ENG: variants seen among roughly 807,000 people sequenced by gnomAD.
ENG encodes the protein CD105 antigen.
ENG carries 17 observed loss-of-function variants against 71.0 expected under a neutral mutation model. That is an observed-to-expected ratio of 0.24 (90% CI 0.16 to 0.36). The LOEUF is 0.36. Among genes scored for constraint, ENG ranks in the 10% least tolerant of loss-of-function variants. The pLI, the probability that ENG is intolerant of heterozygous loss-of-function variation, is 1.00. For missense variants in ENG, 749 were observed against 868.3 expected (o/e 0.86, Z 1.73); for synonymous variants, 360 against 366.9 (o/e 0.98, Z 0.21).
Position 127,854,301 on chromosome 9 carries a change from G to A in ENG, c.55C>T (p.Leu19Phe), listed in dbSNP as rs1310849016. The change falls in exon 1 of 15, where the codon CTC becomes TTC. Residue 19 changes from leucine (L) to phenylalanine (F), a missense_variant. By Grantham distance (22) the Leu-to-Phe change is conservative. Coordinates refer to ENST00000373203, the MANE Select transcript of ENG (RefSeq NM_001114753.3). ...CCTGGACACCTACTTGTGGGGCTGA[G>A]GCTGCAGCTGGCCAGCAGCAGGGCA... ...AVALLLASCS[L>F]SPTSLAETVH... 6.3e-7 allele frequency: 1 copy of A among 1,591,418 alleles called. No homozygotes were observed. The highest frequency in any genetic ancestry group is 8.5e-7 in the Non-Finnish European group (1 of 1,169,668).
At position 127,815,642 on chromosome 9, in the gene ENG, T is replaced by G. The variant is rs1228729181; in HGVS notation, c.*40A>C. ...CACACCAGTGCTCCCAGCTGGCGGCTGCTCAGTCTCTCCTGCTGGGCGAGC... is the reference window on the plus strand; with the variant it reads ...CACACCAGTGCTCCCAGCTGGCGGCGGCTCAGTCTCTCCTGCTGGGCGAGC... On this transcript the variant is annotated 3_prime_UTR_variant, in exon 15 of 15. Coordinates refer to ENST00000373203, the MANE Select transcript of ENG (RefSeq NM_001114753.3). The G allele has an allele frequency of 1.3e-6, 2 of 1,540,812 alleles. No individual in the cohort carries two copies. Among genetic ancestry groups the G allele is most frequent in the East Asian group, 4.8e-5 (2 of 41,512 alleles).
At chr9:127,823,547 C>A (rs926374271) in intron 8 of ENG, among the ~76,000 whole-genome samples, 12 of 151,854 alleles carry the variant, frequency 7.9e-5, no homozygotes, top group African/African-American at 2.9e-4. Context: ...TGCCACCACA[C>A]CCGGTTAATT....
intron 1 of ENG, among the ~76,000 whole-genome samples, chr9:127,851,041 G>A (rs1831270570): frequency 6.6e-6 from 1 of 151,988 alleles, no homozygotes; most frequent in Non-Finnish European, 1.5e-5. Flanking sequence ...TGGATTAAAA[G>A]TAGCTTAAAA....
intron 1 of ENG, 100 bp downstream of exon 1, chr9:127,854,189 G>T: frequency 7.9e-7 from 1 of 1,273,026 alleles, no homozygotes; most frequent in Non-Finnish European, 1.1e-6. Context: ...TGGCTCTGCT[G>T]GGCGTGAGCT....
chr9:127,842,942 GC>G, intron 2 of ENG, 151 bp downstream of exon 2: 1 of 1,271,972 alleles, frequency 7.9e-7, no homozygotes, highest in Non-Finnish European at 1.1e-6. Flanking sequence ...CCTCTTATGG[GC>G]CCTGTGAGAT....
chr9:127,844,583 C>T (rs905254056), intron 1 of ENG, among the ~76,000 whole-genome samples: 2 of 152,088 alleles, frequency 1.3e-5, no homozygotes, highest in African/African-American at 2.4e-5. Context: ...GCATGCACCA[C>T]CACATCCAGC....
rs1564460910 is a variant in ENG, at chr9:127,838,101, T to C, written c.219+4993A>G. On this transcript the variant is annotated intron_variant, in intron 2 of 14. Coordinates refer to ENST00000373203, the MANE Select transcript of ENG (RefSeq NM_001114753.3). This position sits in a 1 kb window ranked among gnomAD's most constrained non-coding sequence, Gnocchi z 4.3. ...CCGGATACCCAAACTCCACCATGCC[T>C]GCCTCCCCAAGTAGCCAACTCAACC... is the stretch of plus-strand genomic sequence containing the variant. 6.6e-6 allele frequency among the ~76,000 whole-genome samples: 1 copy of C among 152,196 alleles called. No homozygotes were observed. Among genetic ancestry groups the C allele is most frequent in the Non-Finnish European group, 1.5e-5 (1 of 68,038 alleles).
At chr9:127,829,595 C>G (rs886983044) in intron 3 of ENG, 92 bp downstream of exon 3, 4 of 1,542,292 alleles carry the variant, frequency 2.6e-6, no homozygotes, top group African/African-American at 1.4e-5. Context: ...AGGGCTGGGC[C>G]GCTGGGGTGG....
rs1000488055 is a variant in ENG at position 127,836,018 on chromosome 9, T to A, written c.220-6191A>T. ...AGCTGGGTGCTCAGGTTCTCTGAGCTGCAGGGCCAAGCTGAAAAACAGCTG... is the reference window on the plus strand; with the variant it reads ...AGCTGGGTGCTCAGGTTCTCTGAGCAGCAGGGCCAAGCTGAAAAACAGCTG... On this transcript the variant is annotated intron_variant, in intron 2 of 14. Coordinates refer to ENST00000373203, the MANE Select transcript of ENG (RefSeq NM_001114753.3). This position sits in a 1 kb window ranked among gnomAD's most constrained non-coding sequence, Gnocchi z 4.0. Among the ~76,000 whole-genome samples the A allele has an allele frequency of 6.6e-6, 1 of 152,174 alleles. No homozygotes were observed. The highest frequency in any genetic ancestry group is 1.5e-5 in the Non-Finnish European group (1 of 68,026).
chr9:127,819,829 G>A (rs1830429705), intron 9 of ENG, 71 bp downstream of exon 9: 2 of 1,612,288 alleles, frequency 1.2e-6, no homozygotes, highest in African/African-American at 1.3e-5. Context: ...TCCACCCTGG[G>A]GGATCAGGGA....
At position 127,836,179 on chromosome 9, in the gene ENG, G is replaced by A. The variant is rs1830899041; in HGVS notation, c.220-6352C>T. Among the ~76,000 whole-genome samples, 3 of 152,290 alleles carry A rather than the reference G, an allele frequency of 2.0e-5. No individual in the cohort carries two copies. In the South Asian group the frequency reaches 6.2e-4, roughly 32 times the overall value. On this transcript the variant is annotated intron_variant, in intron 2 of 14. Coordinates refer to ENST00000373203, the MANE Select transcript of ENG (RefSeq NM_001114753.3). This position sits in a 1 kb window ranked among gnomAD's most constrained non-coding sequence, Gnocchi z 4.0. ...GCCGGGGGCCCCAGAGGCAAAAAAC[G>A]ATGGCGCCAGCCTTGCCCCCAACCC...
rs190261347 is a variant in ENG at position 127,836,315 on chromosome 9, C to T, written c.220-6488G>A. 1.3e-5 allele frequency among the ~76,000 whole-genome samples: 2 copies of T among 152,336 alleles called. No homozygotes were observed. The stretch of plus-strand genomic sequence containing the variant: ...CCAGCCCCCTCCCTGAGTGGGTGGG[C>T]GGGAGACCGCGTTTCTATTTTTGTA... On this transcript the variant is annotated intron_variant, in intron 2 of 14. Coordinates refer to ENST00000373203, the MANE Select transcript of ENG (RefSeq NM_001114753.3). This position sits in a 1 kb window ranked among gnomAD's most constrained non-coding sequence, Gnocchi z 4.0.
At chr9:127,835,884 T>C (rs2131905680) in intron 2 of ENG, among the ~76,000 whole-genome samples, 1 of 152,110 alleles carries the variant, frequency 6.6e-6, no homozygotes, top group East Asian at 1.9e-4. Context: ...ATCCCAGAGC[T>C]CACGAACCAA....
Position 127,824,449 on chromosome 9 carries a change from G to A in ENG, c.992-3C>T, listed in dbSNP as rs1830552318. 6.2e-7 allele frequency: 1 copy of A among 1,613,036 alleles called. No homozygotes were observed. The highest frequency in any genetic ancestry group is 8.5e-7 in the Non-Finnish European group (1 of 1,179,546). ...GGGTGAGGTCTGCAGCCTACCACCT[G>A]TGGGGTAGCAGAGGCAGGCCAGGCG... On this transcript the variant is annotated splice_polypyrimidine_tract_variant and splice_region_variant and intron_variant, in intron 7 of 14. Coordinates refer to ENST00000373203, the MANE Select transcript of ENG (RefSeq NM_001114753.3).
chr9:127,825,910 A>G (rs762027220), intron 4 of ENG, 50 bp from the exon 5 acceptor site: 8 of 1,550,390 alleles, frequency 5.2e-6, no homozygotes, highest in Admixed American at 3.9e-5. Flanking sequence ...CCCTGCACCT[A>G]ACAGAGCCCC....
chr9:127,822,389 T>G (rs1405340994), intron 8 of ENG: 2 of 152,230 alleles, frequency 1.3e-5, no homozygotes, highest in Admixed American at 1.3e-4. Flanking sequence ...TGGTGAAAAT[T>G]CAAATCATCT....
At chr9:127,820,140 A>C in intron 8 of ENG, 103 bp from the exon 9 acceptor site, 1 of 1,466,834 alleles carries the variant, frequency 6.8e-7, no homozygotes, top group Non-Finnish European at 9.2e-7. Context: ...CCCAAGTCAC[A>C]GCCATTCCCC....
In ENG at chr9:127,853,474, C is replaced by T. The variant is rs41474651; in HGVS notation, c.67+815G>A. Among the ~76,000 whole-genome samples, 756 of 152,252 alleles carry T rather than the reference C, an allele frequency of 5.0e-3. 5 individuals are homozygous for T. The highest frequency in any genetic ancestry group is 5.8e-3 in the Non-Finnish European group (393 of 68,006). On this transcript the variant is annotated intron_variant, in intron 1 of 14. Coordinates refer to ENST00000373203, the MANE Select transcript of ENG (RefSeq NM_001114753.3). ...CTGGGGGTCCCTTGCTCCTCACCGC[C>T]CCTCCTCTGGTCAGTTTCAGAAAGC...
chr9:127,832,402 G>A (rs927914669), intron 2 of ENG, among the ~76,000 whole-genome samples: 9 of 152,086 alleles, frequency 5.9e-5, no homozygotes, highest in Non-Finnish European at 1.3e-4. Flanking sequence ...TTACAGATGA[G>A]GGAACCAAGA....
Sources: allele counts gnomAD v4.1 joint callset (sites outside exome capture counted in the v4.1 genomes callset), GRCh38; gene constraint gnomAD v4.1.1; non-coding constraint Gnocchi (gnomAD v3.1); transcripts MANE v1.5; gene names NCBI Gene and HGNC (gene_info 2026-07-23, HGNC 2026-07-21).